INTU: variants seen among roughly 807,000 people sequenced by gnomAD.
INTU encodes inturned planar cell polarity protein.
A neutral mutation model predicts 100.5 loss-of-function variants in INTU; 68 were observed. The ratio of observed to expected loss-of-function variants is 0.68; its 90% CI spans 0.56 to 0.83. The LOEUF (loss-of-function observed/expected upper bound fraction) is 0.83. Among genes scored for constraint, INTU ranks in the 40% least tolerant of loss-of-function variants. INTU has a pLI of 0.00. For synonymous variants in INTU, 357 were observed against 395.7 expected (o/e 0.90, Z 1.16); for missense variants, 1,071 against 1,114.7 (o/e 0.96, Z 0.56).
At chr4:127,633,548 C>A (rs1726937624) in intron 1 of INTU, among the ~76,000 whole-genome samples, 1 of 152,048 alleles carries the variant, frequency 6.6e-6, no homozygotes, top group Admixed American at 6.6e-5. Flanking sequence ...ACCTTTGTGG[C>A]TTAATCTCTT....
chr4:127,666,239 T>C (rs1262846221), intron 4 of INTU, among the ~76,000 whole-genome samples: 1 of 152,162 alleles, frequency 6.6e-6, no homozygotes, highest in Non-Finnish European at 1.5e-5. Context: ...TTTGTGACTC[T>C]ATACTTGTAG....
At chr4:127,706,107 G>A (rs941858278) in intron 11 of INTU, among the ~76,000 whole-genome samples, 1 of 152,066 alleles carries the variant, frequency 6.6e-6, no homozygotes, top group African/African-American at 2.4e-5. Flanking sequence ...TTTCTATAGT[G>A]GTTTTATCCA....
intron 8 of INTU, among the ~76,000 whole-genome samples, chr4:127,692,902 T>G (rs1730214831): frequency 6.6e-6 from 1 of 152,112 alleles, no homozygotes; most frequent in Admixed American, 6.6e-5. Flanking sequence ...CTCTAAGTAT[T>G]TGGCTTTATT....
intron 6 of INTU, among the ~76,000 whole-genome samples, chr4:127,679,585 C>G (rs889215529): frequency 2.6e-5 from 4 of 152,106 alleles, no homozygotes; most frequent in African/African-American, 9.7e-5. Context: ...ACCAGAATCT[C>G]TGGGACACAT....
chr4:127,633,319 C>T, intron 1 of INTU, 139 bp downstream of exon 1: 1 of 813,104 alleles, frequency 1.2e-6, no homozygotes, highest in Non-Finnish European at 1.9e-6. Flanking sequence ...TTTAATTGCA[C>T]CACGTTCCAT....
chr4:127,694,402 T>A (rs1730290743), intron 8 of INTU, among the ~76,000 whole-genome samples: 1 of 152,140 alleles, frequency 6.6e-6, no homozygotes, highest in South Asian at 2.1e-4. Context: ...ATTGCTGTGT[T>A]ATCAGTTGTA....
At position 127,678,669 on chromosome 4, in the gene INTU, G is replaced by A. The variant is rs369176087; in HGVS notation, c.1181+4456G>A. Among the ~76,000 whole-genome samples, 18 of 152,240 alleles carry A rather than the reference G, an allele frequency of 1.2e-4. No homozygotes were observed. The East Asian group carries it at 1.7e-3, about 15-fold the overall frequency. On this transcript the variant is annotated intron_variant, in intron 6 of 15. Transcript: ENST00000335251. ...ATCATGCCAAATTGTAAAGACCATC[G>A]AGGCTAGGAAGAAACTGCATCAACT...
intron 6 of INTU, 79 bp downstream of exon 6, chr4:127,674,292 G>A (rs535072104): frequency 4.3e-5 from 49 of 1,127,864 alleles, no homozygotes; most frequent in Non-Finnish European, 6.4e-5. Flanking sequence ...TTACATTTTT[G>A]TCAAAAGACA....
chr4:127,633,416 T>C (rs1023252647), intron 1 of INTU, among the ~76,000 whole-genome samples: 7 of 152,164 alleles, frequency 4.6e-5, no homozygotes, highest in African/African-American at 1.7e-4. Flanking sequence ...TTTTCAATGA[T>C]TCTTAGATGA....
chr4:127,705,449 T>A, intron 10 of INTU, 142 bp from the exon 11 acceptor site: 1 of 667,648 alleles, frequency 1.5e-6, no homozygotes, highest in Non-Finnish European at 2.6e-6. Context: ...AAACATTTAC[T>A]TTTACTATAT....
intron 14 of INTU, among the ~76,000 whole-genome samples, chr4:127,713,471 A>G (rs1731160529): frequency 6.6e-6 from 1 of 152,236 alleles, no homozygotes; most frequent in South Asian, 2.1e-4. Context: ...AAAGGAAGAC[A>G]AAATACTGTT....
intron 15 of INTU, among the ~76,000 whole-genome samples, chr4:127,714,652 A>G (rs1326757985): frequency 1.3e-5 from 2 of 152,066 alleles, no homozygotes; most frequent in Admixed American, 6.6e-5. Flanking sequence ...GAGACGATCC[A>G]TTATCTCTTT....
At chr4:127,681,120 A>G (rs1729520490) in intron 6 of INTU, among the ~76,000 whole-genome samples, 1 of 152,172 alleles carries the variant, frequency 6.6e-6, no homozygotes, top group South Asian at 2.1e-4. Context: ...AACAAATGGA[A>G]GAACATTCCA....
chr4:127,684,956 T>G (rs1235479650), intron 7 of INTU, among the ~76,000 whole-genome samples: 1 of 152,098 alleles, frequency 6.6e-6, no homozygotes, highest in East Asian at 1.9e-4. Context: ...AAATACATTT[T>G]TGTGTTTTTC....
chr4:127,642,858 T>TC (rs1301622847), intron 1 of INTU, among the ~76,000 whole-genome samples: 1 of 152,078 alleles, frequency 6.6e-6, no homozygotes, highest in Non-Finnish European at 1.5e-5. Flanking sequence ...CTTTTTTTTT[T>TC]CTACTACAAT....
At chr4:127,642,289 C>G (rs983677465) in intron 1 of INTU, among the ~76,000 whole-genome samples, 7 of 152,130 alleles carry the variant, frequency 4.6e-5, no homozygotes, top group Admixed American at 2.0e-4. Flanking sequence ...CACTGGGAAC[C>G]AACAAGTCCC....
intron 2 of INTU, among the ~76,000 whole-genome samples, chr4:127,648,879 T>A (rs1330623369): frequency 6.6e-6 from 1 of 152,168 alleles, no homozygotes; most frequent in African/African-American, 2.4e-5. Flanking sequence ...CTGCAAGTTC[T>A]TACTTTTAAG....
At chr4:127,708,526 T>C in intron 12 of INTU, 45 bp from the exon 13 acceptor site, 1 of 996,760 alleles carries the variant, frequency 1.0e-6, no homozygotes, top group East Asian at 2.4e-5. Flanking sequence ...TGCTATATGA[T>C]TCCATTCTTA....
intron 8 of INTU, among the ~76,000 whole-genome samples, chr4:127,689,077 G>A (rs1288986431): frequency 1.4e-5 from 2 of 146,906 alleles, no homozygotes; most frequent in African/African-American, 5.0e-5. Flanking sequence ...CCACATCCCA[G>A]GCTCGGGTGA....
Sources: allele counts gnomAD v4.1 joint callset (sites outside exome capture counted in the v4.1 genomes callset), GRCh38; gene constraint gnomAD v4.1.1; transcripts MANE v1.5; gene names NCBI Gene and HGNC (gene_info 2026-07-23, HGNC 2026-07-21).